The following TTC27 variants were observed in gnomAD, a reference collection of about 807,000 sequenced individuals.
The protein encoded by TTC27 is tetratricopeptide repeat domain 27.
A neutral mutation model predicts 115.9 loss-of-function variants in TTC27; 79 were observed. The ratio of observed to expected loss-of-function variants is 0.68; its 90% confidence interval spans 0.57 to 0.82. The LOEUF (loss-of-function observed/expected upper bound fraction) is 0.82. TTC27 is among the 40% of genes least tolerant of loss of function. The probability of loss-of-function intolerance (pLI) is 0.00; values close to 1 mark genes in which losing one functional copy is unlikely to be tolerated. For missense variants in TTC27, 1,054 were observed against 993.1 expected, an observed-to-expected ratio of 1.06 and a Z score of -0.82; for synonymous variants, 401 against 356.0, an observed-to-expected ratio of 1.13 and a Z score of -1.42.
chr2:32,683,429 C>G (rs1048950242), intron 9 of TTC27, among the ~76,000 whole-genome samples: 2 of 152,222 alleles, frequency 1.3e-5, no homozygotes, highest in African/African-American at 4.8e-5. Context: ...TTTTGATTAA[C>G]TGTCCCAAAG....
At chr2:32,709,165 T>C (rs1024168341) in intron 10 of TTC27, among the ~76,000 whole-genome samples, 2 of 152,212 alleles carry the variant, frequency 1.3e-5, no homozygotes, top group African/African-American at 4.8e-5. Flanking sequence ...AAATCTTCCT[T>C]ACAGTAGAAT....
Position 32,697,614 on chromosome 2 carries a change from G to A in TTC27, c.1120-5193G>A, listed in dbSNP as rs1354113640. Among the ~76,000 whole-genome samples, 3 of 152,330 alleles carry A rather than the reference G, an allele frequency of 2.0e-5. No homozygotes were observed. The East Asian group carries it at 5.8e-4, about 29-fold the overall frequency. On this transcript the variant is annotated intron_variant, in intron 9 of 19. Transcript: ENST00000317907. ...CCCTTCATTACTGCAGAATTTTGGAGGTGGTTGGTCAACTTTTAGTCTACA... is the reference window on the plus strand; with the variant it reads ...CCCTTCATTACTGCAGAATTTTGGAAGTGGTTGGTCAACTTTTAGTCTACA...
intron 12 of TTC27, among the ~76,000 whole-genome samples, chr2:32,754,224 G>A (rs1262204614): frequency 1.3e-5 from 2 of 150,980 alleles, no homozygotes; most frequent in African/African-American, 4.9e-5. Flanking sequence ...GGACAATAGC[G>A]GAGGGAAGGT....
chr2:32,671,998 C>A (rs1376197167), intron 7 of TTC27, among the ~76,000 whole-genome samples: 1 of 152,156 alleles, frequency 6.6e-6, no homozygotes, highest in East Asian at 1.9e-4. Context: ...ATAAAATTAT[C>A]TGCAGAGGGG....
At chr2:32,735,098 C>G (rs1295359434) in intron 11 of TTC27, among the ~76,000 whole-genome samples, 1 of 152,112 alleles carries the variant, frequency 6.6e-6, no homozygotes. Flanking sequence ...AACCCACCAT[C>G]CAATCGTTTA....
chr2:32,696,071 C>T (rs1398669817), intron 9 of TTC27, among the ~76,000 whole-genome samples: 1 of 147,618 alleles, frequency 6.8e-6, no homozygotes, highest in Non-Finnish European at 1.5e-5. Context: ...TGCAGTGAGC[C>T]AAGATTGCAC....
intron 5 of TTC27, among the ~76,000 whole-genome samples, chr2:32,658,268 G>A (rs572640344): frequency 1.4e-3 from 218 of 152,252 alleles, no homozygotes; most frequent in Middle Eastern, 3.4e-3. Flanking sequence ...GACTACAGGA[G>A]CGTATTACCA....
chr2:32,753,058 A>G (rs976218280), intron 12 of TTC27, among the ~76,000 whole-genome samples: 1 of 152,216 alleles, frequency 6.6e-6, no homozygotes, highest in Non-Finnish European at 1.5e-5. Flanking sequence ...TTACTCACGT[A>G]GTTGCAATCA....
At chr2:32,728,776 T>TAA (rs1668197110) in intron 10 of TTC27, among the ~76,000 whole-genome samples, 1 of 152,144 alleles carries the variant, frequency 6.6e-6, no homozygotes, top group African/African-American at 2.4e-5. Flanking sequence ...ATAAGTTTAA[T>TAA]GATGGTGTTG....
At chr2:32,756,706 A>C (rs1483131173) in intron 12 of TTC27, among the ~76,000 whole-genome samples, 1 of 152,240 alleles carries the variant, frequency 6.6e-6, no homozygotes. Context: ...TAGGGGCTTT[A>C]AAGTCTCATT....
intron 13 of TTC27, among the ~76,000 whole-genome samples, chr2:32,769,427 T>C (rs1336097219): frequency 3.3e-5 from 5 of 152,210 alleles, no homozygotes; most frequent in Non-Finnish European, 7.3e-5. Flanking sequence ...ATAGAATCTA[T>C]AGACTGTTCC....
intron 12 of TTC27, among the ~76,000 whole-genome samples, chr2:32,739,770 G>C (rs1668566545): frequency 6.6e-6 from 1 of 152,054 alleles, no homozygotes; most frequent in African/African-American, 2.4e-5. Flanking sequence ...CTGCAATTTA[G>C]AAGCAAATGT....
intron 16 of TTC27, among the ~76,000 whole-genome samples, chr2:32,797,070 A>T (rs1670727207): frequency 6.7e-6 from 1 of 150,160 alleles, no homozygotes; most frequent in Non-Finnish European, 1.5e-5. Flanking sequence ...GCTATTGAGG[A>T]GGCTGAGGCA....
intron 12 of TTC27, among the ~76,000 whole-genome samples, chr2:32,741,588 G>A (rs763983716): frequency 2.6e-5 from 4 of 151,994 alleles, no homozygotes; most frequent in Non-Finnish European, 4.4e-5. Flanking sequence ...GGAGGTGGTG[G>A]TTGCAGTGAG....
intron 12 of TTC27, among the ~76,000 whole-genome samples, chr2:32,744,081 C>T (rs931498223): frequency 2.6e-5 from 4 of 152,018 alleles, no homozygotes; most frequent in African/African-American, 9.7e-5. Context: ...AGTTATAGTC[C>T]GATATGATAG....
chr2:32,734,041 A>T, intron 11 of TTC27, 118 bp downstream of exon 11: 1 of 655,130 alleles, frequency 1.5e-6, no homozygotes. Context: ...TAAAGATAAT[A>T]AATGTATCTG....
intron 7 of TTC27, 124 bp from the exon 8 acceptor site, chr2:32,672,148 C>T (rs1394159011): frequency 1.6e-6 from 1 of 622,416 alleles, no homozygotes; most frequent in Non-Finnish European, 2.8e-6. Context: ...CAAGAAATAG[C>T]CTATTGACCA....
intron 10 of TTC27, among the ~76,000 whole-genome samples, chr2:32,706,971 A>C (rs7598603): frequency 6.6e-6 from 1 of 152,124 alleles, no homozygotes; most frequent in Non-Finnish European, 1.5e-5. Flanking sequence ...GAACAGTAGG[A>C]TGTGGATGAA....
chr2:32,704,979 A>G (rs1667317236), intron 10 of TTC27: 1 of 466,170 alleles, frequency 2.1e-6, no homozygotes, highest in Admixed American at 2.4e-5. Context: ...ATTGTAATTA[A>G]TAAACATTTT....
Sources: gnomAD v4.1 joint callset for allele counts (sites outside exome capture counted in the v4.1 genomes callset) on GRCh38, gnomAD v4.1.1 for gene constraint, MANE v1.5 for transcripts, NCBI Gene and HGNC (gene_info 2026-07-23, HGNC 2026-07-21) for gene names.